FBXL4: variants seen among roughly 807,000 people sequenced by gnomAD.
FBXL4 encodes F-box/LRR-repeat protein 4.
A neutral mutation model predicts 58.9 loss-of-function variants in FBXL4; 40 were observed. That is an observed-to-expected ratio of 0.68 (90% CI 0.53 to 0.88). The LOEUF is 0.88. FBXL4 is among the 40% of genes least tolerant of loss of function. The pLI is 0.00. For missense variants in FBXL4, 676 were observed against 734.4 expected, an observed-to-expected ratio of 0.92 and a Z score of 0.92; for synonymous variants, 263 against 265.5, an observed-to-expected ratio of 0.99 and a Z score of 0.09.
chr6:98,875,299 C>T (rs1006966146), intron 9 of FBXL4, 116 bp downstream of exon 9: 2 of 873,614 alleles, frequency 2.3e-6, no homozygotes, highest in African/African-American at 3.3e-5. Flanking sequence ...GCCATCTTAT[C>T]AGGATAAAAT....
At chr6:98,887,798 T>C (rs1582378256) in intron 7 of FBXL4, among the ~76,000 whole-genome samples, 2 of 152,248 alleles carry the variant, frequency 1.3e-5, no homozygotes, top group South Asian at 4.1e-4. Context: ...CTGTGAGGAA[T>C]TAACAAGAGG....
At chr6:98,880,456 G>A in intron 8 of FBXL4, 97 bp downstream of exon 8, 1 of 912,268 alleles carries the variant, frequency 1.1e-6, no homozygotes, top group Non-Finnish European at 1.8e-6. Flanking sequence ...AAAAACTGTG[G>A]GTGTGTGTGG....
intron 1 of FBXL4, among the ~76,000 whole-genome samples, chr6:98,935,138 ACTTCTGCAGAATAT>A (rs1773159075): frequency 6.6e-6 from 1 of 152,194 alleles, no homozygotes; most frequent in African/African-American, 2.4e-5. Flanking sequence ...GAGAAAGGTT[ACTTCTGCAGAATAT>A]GTTCTTTCTT....
chr6:98,905,509 T>A lies in FBXL4; in HGVS notation c.1020A>T (p.Leu340=). ...ACTGGACAAGAGTGCAGCGAGACTG[T>A]AGAAATTCCAGAGAAGTGTCATCTA... ...AKLDDTSLEF[L]QSRCTLVQWL... is the part of the protein sequence containing the mutation. Residue 340 remains leucine (L), a synonymous_variant, in exon 6 of 10, where the codon CTA becomes CTT. Transcript: ENST00000369244. 1 of 1,614,020 alleles carries A rather than the reference T, an allele frequency of 6.2e-7. No individual in the cohort carries two copies.
chr6:98,884,254 T>C (rs1189953664), intron 7 of FBXL4, among the ~76,000 whole-genome samples: 1 of 152,112 alleles, frequency 6.6e-6, no homozygotes, highest in African/African-American at 2.4e-5. Context: ...GCATGCCTAC[T>C]ATGTGTTAGG....
intron 7 of FBXL4, among the ~76,000 whole-genome samples, chr6:98,891,081 T>C (rs1442910829): frequency 1.3e-5 from 2 of 152,228 alleles, no homozygotes; most frequent in Admixed American, 1.3e-4. Flanking sequence ...TATTCTTTTA[T>C]ACAGTTCAAA....
chr6:98,884,458 C>T (rs532075911), intron 7 of FBXL4, among the ~76,000 whole-genome samples: 5 of 152,136 alleles, frequency 3.3e-5, no homozygotes, highest in South Asian at 2.1e-4. Context: ...CAATCTAGAA[C>T]GAAAGTTTAG....
chr6:98,939,697 C>T (rs1773360337), intron 1 of FBXL4, among the ~76,000 whole-genome samples: 1 of 152,208 alleles, frequency 6.6e-6, no homozygotes, highest in Non-Finnish European at 1.5e-5. Flanking sequence ...AATGTCATGA[C>T]TTCTCGCTGC....
chr6:98,904,641 A>G (rs953552028), intron 6 of FBXL4, among the ~76,000 whole-genome samples: 1 of 152,184 alleles, frequency 6.6e-6, no homozygotes, highest in Non-Finnish European at 1.5e-5. Flanking sequence ...AGAATACAAG[A>G]GTATTCATTA....
chr6:98,902,894 G>C (rs755826683), intron 6 of FBXL4, among the ~76,000 whole-genome samples: 7 of 152,116 alleles, frequency 4.6e-5, no homozygotes, highest in Non-Finnish European at 8.8e-5. Context: ...TCTGTAGCTA[G>C]AATAGGATTT....
At chr6:98,921,148 G>C (rs917485945) in intron 4 of FBXL4, among the ~76,000 whole-genome samples, 1 of 152,124 alleles carries the variant, frequency 6.6e-6, no homozygotes, top group Non-Finnish European at 1.5e-5. Flanking sequence ...CCCATTTAAT[G>C]TTCTTTCTGT....
chr6:98,888,710 T>C (rs981484854), intron 7 of FBXL4, among the ~76,000 whole-genome samples: 3 of 152,178 alleles, frequency 2.0e-5, no homozygotes, highest in Admixed American at 6.6e-5. Flanking sequence ...TCAAATGAGT[T>C]TGTAATTTTC....
chr6:98,886,191 T>C (rs551530906), intron 7 of FBXL4, among the ~76,000 whole-genome samples: 2 of 152,320 alleles, frequency 1.3e-5, no homozygotes, highest in East Asian at 3.9e-4. Context: ...AAGCAATTGA[T>C]ATATAGCAAT....
chr6:98,879,480 C>T (rs1335794947), intron 8 of FBXL4, among the ~76,000 whole-genome samples: 1 of 152,136 alleles, frequency 6.6e-6, no homozygotes, highest in African/African-American at 2.4e-5. Flanking sequence ...TTTCTATTGT[C>T]CTTTATATCT....
chr6:98,901,604 T>G (rs1320397947), intron 6 of FBXL4, among the ~76,000 whole-genome samples: 2 of 152,138 alleles, frequency 1.3e-5, no homozygotes, highest in Non-Finnish European at 2.9e-5. Flanking sequence ...TATTGCATAT[T>G]TTTACTCTGA....
At chr6:98,903,026 A>G (rs1339141391) in intron 6 of FBXL4, among the ~76,000 whole-genome samples, 1 of 152,144 alleles carries the variant, frequency 6.6e-6, no homozygotes, top group Non-Finnish European at 1.5e-5. Flanking sequence ...CTAACTTGTG[A>G]GATAAGGCTT....
At chr6:98,909,690 C>T (rs763330714) in intron 5 of FBXL4, among the ~76,000 whole-genome samples, 4 of 152,170 alleles carry the variant, frequency 2.6e-5, no homozygotes, top group Non-Finnish European at 4.4e-5. Flanking sequence ...ACAGACCCAC[C>T]GCAGAGCCCT....
chr6:98,881,409 CAATT>C (rs1280183140), intron 7 of FBXL4, among the ~76,000 whole-genome samples: 1 of 151,894 alleles, frequency 6.6e-6, no homozygotes, highest in Non-Finnish European at 1.5e-5. Flanking sequence ...TTTCTTTTAT[CAATT>C]AAGGAGAAAA....
intron 1 of FBXL4, among the ~76,000 whole-genome samples, chr6:98,940,812 G>A (rs186678704): frequency 1.1e-4 from 17 of 152,158 alleles, no homozygotes; most frequent in Admixed American, 7.2e-4. Flanking sequence ...TATTACCGAA[G>A]AGCAAGATCA....
Sources: gnomAD v4.1 joint callset for allele counts (sites outside exome capture counted in the v4.1 genomes callset) on GRCh38, gnomAD v4.1.1 for gene constraint, MANE v1.5 for transcripts, NCBI Gene and HGNC (gene_info 2026-07-23, HGNC 2026-07-21) for gene names.